Variants in LIPT1 observed in about 807,000 individuals in gnomAD.
The protein encoded by LIPT1 is lipoyltransferase 1, also known as lipoyl amidotransferase LIPT1, mitochondrial.
Under a neutral mutation model 25.1 loss-of-function variants are expected in LIPT1, and 22 were observed. The observed-to-expected ratio is 0.88, with a 90% confidence interval of 0.63 to 1.25. The LOEUF is 1.25. LIPT1 is among the 50% of genes most tolerant of loss of function. The probability of loss-of-function intolerance (pLI) is 0.00; values close to 1 mark genes in which losing one functional copy is unlikely to be tolerated. For missense variants in LIPT1, 399 were observed against 432.8 expected (o/e 0.92, Z 0.69); for synonymous variants, 131 against 150.8 (o/e 0.87, Z 0.96).
chr2:99,162,148 T>G lies in LIPT1; in HGVS notation c.191T>G (p.Phe64Cys), dbSNP rs1418556194. The G allele has an allele frequency of 3.1e-6, 5 of 1,614,094 alleles. No homozygotes were observed. The Admixed American group carries it at 8.3e-5, about 27-fold the overall frequency. ...HMNLEGKPIL[F>C]FWQNSPSVVI... ...AATCTAGAAGGCAAACCAATTCTAT[T>G]CTTTTGGCAGAATTCTCCCTCTGTT... Residue 64 changes from phenylalanine to cysteine, a missense_variant, in exon 2 of 2, where the codon TTC (phenylalanine) becomes TGC (cysteine). Coordinates refer to ENST00000651691, the MANE Select transcript of LIPT1 (RefSeq NM_145199.3).
chr2:99,159,471 T>G (rs2093772649), intron 1 of LIPT1, among the ~76,000 whole-genome samples: 1 of 152,170 alleles, frequency 6.6e-6, no homozygotes, highest in African/African-American at 2.4e-5. Context: ...CTTAGTCCAT[T>G]AACTGTTCCC....
Position 99,159,721 on chromosome 2 carries a change from G to A in LIPT1, c.-1-2236G>A, listed in dbSNP as rs76742172. On this transcript the variant is annotated intron_variant, in intron 1 of 1. Transcript: ENST00000651691. The stretch of plus-strand genomic sequence containing the variant: ...TGAATGAATATGGTACTGTGTCAAA[G>A]TCAGTCAAGCAGAACCAAGAACAAA... Among the ~76,000 whole-genome samples, 1,318 of 152,216 alleles carry A rather than the reference G, an allele frequency of 8.7e-3. 15 individuals are homozygous for A. The highest frequency in any genetic ancestry group is 0.025 in the African/African-American group (1,057 of 41,514).
chr2:99,155,148 G>C (rs1041517119), intron 1 of LIPT1, 97 bp downstream of exon 1: 1 of 438,698 alleles, frequency 2.3e-6, no homozygotes, highest in Admixed American at 2.4e-5. Context: ...CTGGCGGTGG[G>C]TCAGGACTTG....
rs754457101 is a variant in LIPT1 at position 99,163,056 on chromosome 2, GA to G, written c.1105del (p.Ile369LeufsTer4). On this transcript the variant is annotated frameshift_variant, in exon 2 of 2. Transcript: ENST00000651691. LOFTEE classifies it high-confidence loss of function. The stretch of plus-strand genomic sequence containing the variant: ...AAACAGTAAATGGAATATTCTCTGT[GA>G]AAAAATTAAGGGAATAATGTGATTC... ...KLNSKWNILC[E>X]KIKGIM The G allele has an allele frequency of 6.4e-7, 1 of 1,553,712 alleles. No individual in the cohort carries two copies. Among genetic ancestry groups the G allele is most frequent in the South Asian group, 1.2e-5 (1 of 81,854 alleles).
chr2:99,160,957 A>G (rs1267555242), intron 1 of LIPT1, among the ~76,000 whole-genome samples: 1 of 152,106 alleles, frequency 6.6e-6, no homozygotes, highest in Non-Finnish European at 1.5e-5. Context: ...AACAGTCATT[A>G]AAGCTGATGC....
rs561840572 is a variant in LIPT1, at chr2:99,162,945, A to G, written c.988A>G (p.Ser330Gly). ...PLEIRDKLNS[S>G]LIGSKFCPTE... Reference sequence around the variant, plus strand: ...GGAAATACGTGACAAATTAAATTCAAGTCTTATTGGCAGTAAGTTTTGCCC... The same window carrying G: ...GGAAATACGTGACAAATTAAATTCAGGTCTTATTGGCAGTAAGTTTTGCCC... Residue 330 changes from serine (S) to glycine (G), a missense_variant, in exon 2 of 2, where the codon AGT (serine) becomes GGT (glycine). Coordinates refer to ENST00000651691, the MANE Select transcript of LIPT1 (RefSeq NM_145199.3). 1.2e-6 allele frequency: 2 copies of G among 1,614,014 alleles called. No homozygotes were observed. Among genetic ancestry groups the G allele is most frequent in the South Asian group, 1.1e-5 (1 of 91,042 alleles).
In LIPT1 at chr2:99,155,012, C is replaced by A; in HGVS notation, c.-41C>A. ...GGTCGTATGACGCACTTTTCCAGCTCGAGCCCTCACGAGGCCGTGGGTACG... is the reference window on the plus strand; with the variant it reads ...GGTCGTATGACGCACTTTTCCAGCTAGAGCCCTCACGAGGCCGTGGGTACG... On this transcript the variant is annotated 5_prime_UTR_variant, in exon 1 of 2. It introduces an in-frame stop codon into an upstream open reading frame of the 5' UTR. Coordinates refer to ENST00000651691, the MANE Select transcript of LIPT1 (RefSeq NM_145199.3). The A allele has an allele frequency of 2.2e-6, 1 of 455,982 alleles. No homozygotes were observed. The allele number at this position is 455,982 out of a possible 1,614,324, so 28.2% of individuals were successfully genotyped here.
At chr2:99,159,063 G>T (rs1383716477) in intron 1 of LIPT1, among the ~76,000 whole-genome samples, 1 of 152,162 alleles carries the variant, frequency 6.6e-6, no homozygotes, top group East Asian at 1.9e-4. Flanking sequence ...AGAGCTGCTG[G>T]GACTACAGGC....
At chr2:99,158,553 T>C (rs1286383623) in intron 1 of LIPT1, among the ~76,000 whole-genome samples, 1 of 152,120 alleles carries the variant, frequency 6.6e-6, no homozygotes, top group African/African-American at 2.4e-5. Context: ...CACTCCATCC[T>C]GGGCAATAAA....
rs1333369628 is a variant in LIPT1, at chr2:99,162,690, A to G, written c.733A>G (p.Ile245Val). ...YAAYHQIDNHIHLINPTDETL... is the reference protein window; with the variant it reads ...YAAYHQIDNHVHLINPTDETL... Reference sequence around the variant, plus strand: ...TGCTTATCATCAAATTGATAATCACATTCACCTAATAAACCCAACGGATGA... The same window carrying G: ...TGCTTATCATCAAATTGATAATCACGTTCACCTAATAAACCCAACGGATGA... The change falls in exon 2 of 2, where the codon ATT (isoleucine) becomes GTT (valine). Residue 245 changes from isoleucine (I) to valine (V), a missense_variant. Transcript: ENST00000651691. 2 of 1,614,196 alleles carry G rather than the reference A, an allele frequency of 1.2e-6. No individual in the cohort carries two copies. Among genetic ancestry groups the G allele is most frequent in the African/African-American group, 1.3e-5 (1 of 75,060 alleles).
chr2:99,161,305 T>C (rs1279989518), intron 1 of LIPT1: 1 of 35,650 alleles, frequency 2.8e-5, no homozygotes, highest in East Asian at 1.7e-3. Flanking sequence ...TATATATATA[T>C]ATATATATAT....
Position 99,154,990 on chromosome 2 carries a change from C to T in LIPT1, c.-63C>T, listed in dbSNP as rs548216734. 2.0e-5 allele frequency: 9 copies of T among 455,818 alleles called. No individual in the cohort carries two copies. The highest frequency in any genetic ancestry group is 3.5e-5 in the Non-Finnish European group (8 of 226,768). The allele number at this position is 455,818 out of a possible 1,614,324, so 28.2% of individuals were successfully genotyped here. A position where few individuals can be genotyped will look rare whatever the true frequency, so the allele number is the denominator to read the frequency against. ...GCAAGGCCTGCCGGTTGCTCGGGGT[C>T]GTATGACGCACTTTTCCAGCTCGAG... On this transcript the variant is annotated 5_prime_UTR_variant, in exon 1 of 2. Coordinates refer to ENST00000651691, the MANE Select transcript of LIPT1 (RefSeq NM_145199.3).
intron 1 of LIPT1, among the ~76,000 whole-genome samples, chr2:99,160,332 C>G (rs1036677279): frequency 4.6e-5 from 7 of 152,102 alleles, no homozygotes; most frequent in African/African-American, 1.7e-4. Flanking sequence ...TGCTTGAGCC[C>G]AGGAGGTCGA....
At chr2:99,158,429 CAAA>C (rs753259893) in intron 1 of LIPT1, among the ~76,000 whole-genome samples, 1 of 96,606 alleles carries the variant, frequency 1.0e-5, no homozygotes. Flanking sequence ...TTCATCTCTA[CAAA>C]AAAAAAAAAA....
At chr2:99,155,106 C>T (rs1006238354) in intron 1 of LIPT1, 55 bp downstream of exon 1, 16 of 452,730 alleles carry the variant, frequency 3.5e-5, no homozygotes, top group African/African-American at 3.0e-4. Context: ...AGCGCGTGGG[C>T]GGCCGTGGGG....
chr2:99,159,337 A>G (rs972114733), intron 1 of LIPT1, among the ~76,000 whole-genome samples: 1 of 152,204 alleles, frequency 6.6e-6, no homozygotes, highest in African/African-American at 2.4e-5. Flanking sequence ...TCCTGGGATT[A>G]CAGGCATGAG....
intron 1 of LIPT1, among the ~76,000 whole-genome samples, chr2:99,160,664 T>A (rs1319390381): frequency 1.3e-5 from 2 of 152,190 alleles, no homozygotes; most frequent in African/African-American, 4.8e-5. Flanking sequence ...ACATAGTGAA[T>A]TTATTCTTAG....
rs552120721 is a variant in LIPT1, at chr2:99,162,325, AG to A, written c.369del (p.Lys123AsnfsTer8). ...TTGACTTTCTTTACAACCAAAAAAA[AG>A]TATGATAGAATGGAAAATCTGAAAT... ...INLTFFTTKK[K>X]YDRMENLKLI... On this transcript the variant is annotated frameshift_variant, in exon 2 of 2. Transcript: ENST00000651691. LOFTEE classifies it high-confidence loss of function. The A allele has an allele frequency of 9.1e-4, 1,473 of 1,613,298 alleles. No individual in the cohort carries two copies. The highest frequency in any genetic ancestry group is 1.2e-3 in the Non-Finnish European group (1,382 of 1,179,942).
chr2:99,155,279 G>T (rs2093739465), intron 1 of LIPT1: 4 of 365,826 alleles, frequency 1.1e-5, no homozygotes, highest in African/African-American at 2.1e-5. Context: ...GGTAAATATC[G>T]TAAAACATGT....
Sources: allele counts gnomAD v4.1 joint callset (sites outside exome capture counted in the v4.1 genomes callset), GRCh38; gene constraint gnomAD v4.1.1; transcripts MANE v1.5; gene names NCBI Gene and HGNC (gene_info 2026-07-23, HGNC 2026-07-21).